The following FANCM variants were observed in gnomAD, a reference collection of about 807,000 sequenced individuals.
FANCM encodes FA complementation group M, also known as Fanconi anemia group M protein.
Under a neutral mutation model 199.5 loss-of-function variants are expected in FANCM, and 140 were observed. The ratio of observed to expected loss-of-function variants is 0.70; its 90% CI spans 0.61 to 0.81. The LOEUF is 0.81. FANCM is among the 30% of genes least tolerant of loss of function. The pLI is 0.00. For missense variants in FANCM, 2,410 were observed against 2,421.4 expected, an observed-to-expected ratio of 1.00 and a Z score of 0.10; for synonymous variants, 840 against 836.8, an observed-to-expected ratio of 1.00 and a Z score of -0.07.
chr14:45,195,867 T>G (rs1259177459), intron 20 of FANCM, among the ~76,000 whole-genome samples: 1 of 152,168 alleles, frequency 6.6e-6, no homozygotes, highest in Non-Finnish European at 1.5e-5. Context: ...ATTCGTTTGT[T>G]TTTTTTCTCT....
intron 2 of FANCM, among the ~76,000 whole-genome samples, chr14:45,139,274 CTG>C (rs1429193090): frequency 6.6e-6 from 1 of 152,164 alleles, no homozygotes; most frequent in African/African-American, 2.4e-5. Context: ...CATATGCAAT[CTG>C]TACCATATTT....
rs141375108 is a variant in FANCM, at chr14:45,187,596, C to G, written c.4673-185C>G. The stretch of plus-strand genomic sequence containing the variant: ...CAACTAGAAAATCTGATTTCAAAGG[C>G]TAAACTCCTAACTTTATATTTTTGA... On this transcript the variant is annotated intron_variant, in intron 18 of 22. Transcript: ENST00000267430. 0.017 allele frequency among the ~76,000 whole-genome samples: 2,574 copies of G among 152,182 alleles called. 26 individuals are homozygous for G. Among genetic ancestry groups the G allele is most frequent in the African/African-American group, 0.032 (1,313 of 41,524 alleles).
At position 45,185,286 on chromosome 14, in the gene FANCM, G is replaced by T; in HGVS notation, c.4585G>T (p.Asp1529Tyr). Residue 1529 changes from aspartate (D) to tyrosine (Y), a missense_variant, in exon 18 of 23, where the codon GAT becomes TAT. By Grantham distance (160) the Asp-to-Tyr change is radical. Coordinates refer to ENST00000267430, the MANE Select transcript of FANCM (RefSeq NM_020937.4). ...SEEDAEYVSS[D>Y]ENDESENEQD... ...AGAAGATGCAGAATATGTTTCATCA[G>T]ATGAAAATGATGAGTCAGAAAATGA... The T allele has an allele frequency of 6.3e-7, 1 of 1,595,172 alleles. No individual in the cohort carries two copies. Among genetic ancestry groups the T allele is most frequent in the East Asian group, 2.2e-5 (1 of 44,622 alleles).
chr14:45,156,746 C>T (rs558409111), intron 8 of FANCM, among the ~76,000 whole-genome samples: 42 of 151,828 alleles, frequency 2.8e-4, no homozygotes, highest in South Asian at 8.3e-4. Flanking sequence ...GGTGAAACCC[C>T]GTCTCTACTA....
chr14:45,176,046 A>G lies in FANCM; in HGVS notation c.3292A>G (p.Asn1098Asp), dbSNP rs1888666556. The change falls in exon 14 of 23, where the codon AAT becomes GAT. Residue 1098 changes from asparagine (N) to aspartate (D), a missense_variant. Transcript: ENST00000267430. ...TCAAAATGAAAATTTAGTACCTAAC[A>G]ATCGTGTTCAAATACACAGAAGCCC... The part of the protein sequence containing the change: ...HNQNENLVPN[N>D]RVQIHRSPAQ... 2 of 1,614,098 alleles carry G rather than the reference A, an allele frequency of 1.2e-6. No homozygotes were observed. Among genetic ancestry groups the G allele is most frequent in the East Asian group, 4.5e-5 (2 of 44,866 alleles).
At chr14:45,173,287 G>A (rs1283779080) in intron 13 of FANCM, 77 bp downstream of exon 13, 8 of 1,287,100 alleles carry the variant, frequency 6.2e-6, no homozygotes, top group Non-Finnish European at 7.9e-6. Context: ...TTCTTAATTT[G>A]AAGTAATAAG....
At chr14:45,194,474 A>G (rs1440583078) in intron 20 of FANCM, among the ~76,000 whole-genome samples, 1 of 152,168 alleles carries the variant, frequency 6.6e-6, no homozygotes, top group Non-Finnish European at 1.5e-5. Context: ...TCTTCCTTAG[A>G]TAAGTAGTAA....
intron 16 of FANCM, among the ~76,000 whole-genome samples, chr14:45,182,763 C>T (rs896946915): frequency 6.6e-6 from 1 of 152,148 alleles, no homozygotes; most frequent in African/African-American, 2.4e-5. Flanking sequence ...TCCTGATACG[C>T]ACATCATAAA....
rs1594814954 is a variant in FANCM at position 45,189,014 on chromosome 14, A to G, written c.4992A>G (p.Leu1664=). The G allele has an allele frequency of 6.2e-7, 1 of 1,613,922 alleles. No homozygotes were observed. The highest frequency in any genetic ancestry group is 8.5e-7 in the Non-Finnish European group (1 of 1,179,884). Residue 1664 remains leucine, a synonymous_variant, in exon 20 of 23, where the codon TTA becomes TTG. Coordinates refer to ENST00000267430, the MANE Select transcript of FANCM (RefSeq NM_020937.4). ...EQNCAHSKKK[L]SRIILPDDSS... Reference sequence around the variant, plus strand: ...ATTGTGCACATTCAAAAAAGAAATTATCCAGAATTATTTTACCAGATGATT... The same window carrying G: ...ATTGTGCACATTCAAAAAAGAAATTGTCCAGAATTATTTTACCAGATGATT...
chr14:45,140,616 C>CTTTTTTTT lies in FANCM; in HGVS notation c.682-14_682-7dup, dbSNP rs759364320. ...GCATTGAACAGATGAAACTAAAGAACTTTTTTTTTCTTAAGGTTGTAAGAG... is the reference window on the plus strand; with the variant it reads ...GCATTGAACAGATGAAACTAAAGAACTTTTTTTTTTTTTTTTTCTTAAGGTTGTAAGAG... On this transcript the variant is annotated splice_polypyrimidine_tract_variant and intron_variant, in intron 2 of 22. Coordinates refer to ENST00000267430, the MANE Select transcript of FANCM (RefSeq NM_020937.4). The CTTTTTTTT allele has an allele frequency of 6.8e-7, 1 of 1,461,482 alleles. No homozygotes were observed. Among genetic ancestry groups the CTTTTTTTT allele is most frequent in the Non-Finnish European group, 9.6e-7 (1 of 1,045,142 alleles). 90.5% of individuals were successfully genotyped at this position (1,461,482 alleles called of 1,614,324 possible).
At chr14:45,144,591 G>A (rs1886231330) in intron 3 of FANCM, among the ~76,000 whole-genome samples, 1 of 152,108 alleles carries the variant, frequency 6.6e-6, no homozygotes, top group Admixed American at 6.5e-5. Context: ...CTTTCCACAG[G>A]CAGAGGAGCC....
At chr14:45,190,017 C>T (rs1362073556) in intron 20 of FANCM, among the ~76,000 whole-genome samples, 2 of 150,182 alleles carry the variant, frequency 1.3e-5, no homozygotes, top group African/African-American at 4.9e-5. Flanking sequence ...TAACTTTTCT[C>T]CTTCTCAGAA....
intron 2 of FANCM, chr14:45,137,914 A>T (rs1885636256): frequency 6.5e-6 from 1 of 152,682 alleles, no homozygotes; most frequent in African/African-American, 2.4e-5. Flanking sequence ...ATAACACTTA[A>T]GATTTGAAAG....
intron 16 of FANCM, among the ~76,000 whole-genome samples, chr14:45,182,242 G>T (rs1199536255): frequency 6.6e-6 from 1 of 152,058 alleles, no homozygotes; most frequent in South Asian, 2.1e-4. Context: ...AGAAGAGAAG[G>T]CATTGTTTAC....
rs138516695 is a variant in FANCM at position 45,159,654 on chromosome 14, A to G, written c.1581+374A>G. On this transcript the variant is annotated intron_variant, in intron 9 of 22. Coordinates refer to ENST00000267430, the MANE Select transcript of FANCM (RefSeq NM_020937.4). ...AAAGAGATCTTATTGTAGAGCCACCAATAAATGTTTATTAAGTCGCTTTAA... is the reference window on the plus strand; with the variant it reads ...AAAGAGATCTTATTGTAGAGCCACCGATAAATGTTTATTAAGTCGCTTTAA... Among the ~76,000 whole-genome samples the G allele has an allele frequency of 2.8e-3, 434 of 152,326 alleles. 5 individuals carry two copies. The highest frequency in any genetic ancestry group is 0.021 in the Admixed American group (314 of 15,296).
In FANCM at chr14:45,181,444, A is replaced by G; in HGVS notation, c.4237A>G (p.Thr1413Ala). The part of the protein sequence containing the change: ...CHSVEDGQLL[T>A]SNESEDDEIF... ...ATAAATTATAGATGGACAATTATTA[A>G]CAAGTAACGAAAGTGAAGATGACGA... Residue 1413 changes from threonine (T) to alanine (A), a missense_variant, in exon 15 of 23, where the codon ACA becomes GCA. Transcript: ENST00000267430. 6.3e-7 allele frequency: 1 copy of G among 1,579,022 alleles called. No individual in the cohort carries two copies.
chr14:45,197,957 C>T lies in FANCM; in HGVS notation c.5717-687C>T, dbSNP rs183982835. 3.5e-3 allele frequency among the ~76,000 whole-genome samples: 535 copies of T among 151,140 alleles called. 1 individual carries two copies. Among genetic ancestry groups the T allele is most frequent in the Non-Finnish European group, 5.8e-3 (395 of 67,824 alleles). On this transcript the variant is annotated intron_variant, in intron 21 of 22. Transcript: ENST00000267430. Reference sequence around the variant, plus strand: ...TTTTTTTTTATATTTTTTGTAGAGACGAGGTTTCACCATGTTGGCCAGGAT... The same window carrying T: ...TTTTTTTTTATATTTTTTGTAGAGATGAGGTTTCACCATGTTGGCCAGGAT...
At chr14:45,164,324 T>C in intron 9 of FANCM, 35 bp from the exon 10 acceptor site, 5 of 1,477,400 alleles carry the variant, frequency 3.4e-6, no homozygotes, top group Non-Finnish European at 4.7e-6. Flanking sequence ...CTCTTACATT[T>C]GCATGTAGTT....
At chr14:45,159,035 C>G (rs1272796601) in intron 8 of FANCM, 61 bp from the exon 9 acceptor site, 1 of 1,057,860 alleles carries the variant, frequency 9.5e-7, no homozygotes, top group East Asian at 2.6e-5. Context: ...GTCTTTTGAA[C>G]TATTTCTTGT....
Sources: allele counts gnomAD v4.1 joint callset (sites outside exome capture counted in the v4.1 genomes callset), GRCh38; gene constraint gnomAD v4.1.1; transcripts MANE v1.5; gene names NCBI Gene and HGNC (gene_info 2026-07-23, HGNC 2026-07-21).